SHISA7: variants seen among roughly 807,000 people sequenced by gnomAD.
SHISA7 encodes shisa family member 7.
Under a neutral mutation model 23.9 loss-of-function variants are expected in SHISA7, and 6 were observed. That is an observed-to-expected ratio of 0.25 (90% CI 0.14 to 0.50). The LOEUF (loss-of-function observed/expected upper bound fraction) is 0.50. SHISA7 is among the 20% of genes least tolerant of loss of function. The pLI is 0.98. For synonymous variants in SHISA7, 386 were observed against 398.3 expected (o/e 0.97, Z 0.37); for missense variants, 671 against 801.1 (o/e 0.84, Z 1.96).
chr19:55,435,505 G>C (rs948824009), intron 3 of SHISA7, among the ~76,000 whole-genome samples: 1 of 144,640 alleles, frequency 6.9e-6, no homozygotes, highest in Non-Finnish European at 1.5e-5. Flanking sequence ...TGTAATCCCA[G>C]CACTTTGGGT....
At chr19:55,442,165 C>T (rs971322262) in intron 1 of SHISA7, 28 bp downstream of exon 1, 10 of 1,520,740 alleles carry the variant, frequency 6.6e-6, no homozygotes, top group African/African-American at 4.2e-5. Flanking sequence ...CCCAGGCTCG[C>T]AGTCCTCCCG....
Position 55,442,514 on chromosome 19 carries a change from T to A in SHISA7, c.350A>T (p.Glu117Val). Reference sequence around the variant, plus strand: ...CTGCGCCAGGCGCATGTGACGGTGCTCACAGCAGAAGCGGTAGTGGCAGGT... The same window carrying A: ...CTGCGCCAGGCGCATGTGACGGTGCACACAGCAGAAGCGGTAGTGGCAGGT... Reference protein sequence around the residue: ...CGTCHYRFCCEHRHMRLAQAS... With the variant: ...CGTCHYRFCCVHRHMRLAQAS... The change falls in exon 1 of 4, where the codon GAG (glutamate) becomes GTG (valine). Residue 117 changes from glutamate (E) to valine (V), a missense_variant. Glu to Val is a moderately radical substitution (Grantham distance 121). Around this residue, in one of 5 missense-constraint regions of SHISA7, gnomAD observed 48 missense variants for 111.0 expected, o/e 0.43. Coordinates refer to ENST00000376325, the MANE Select transcript of SHISA7 (RefSeq NM_001145176.2). 1 of 1,478,564 alleles carries A rather than the reference T, an allele frequency of 6.8e-7. No homozygotes were observed. Among genetic ancestry groups the A allele is most frequent in the Non-Finnish European group, 9.0e-7 (1 of 1,111,036 alleles). 91.6% of individuals were successfully genotyped at this position (1,478,564 alleles called of 1,614,324 possible). A position where few individuals can be genotyped will look rare whatever the true frequency, so the allele number is the denominator to read the frequency against.
chr19:55,433,319 G>A lies in SHISA7; in HGVS notation c.1454C>T (p.Ser485Leu), dbSNP rs1160276788. The A allele has an allele frequency of 1.4e-6, 2 of 1,479,560 alleles. No individual in the cohort carries two copies. Among genetic ancestry groups the A allele is most frequent in the South Asian group, 1.3e-5 (1 of 75,438 alleles). The allele number at this position is 1,479,560 out of a possible 1,614,324, so 91.7% of individuals were successfully genotyped here. The change falls in exon 4 of 4, where the codon TCG becomes TTG. Residue 485 changes from serine to leucine, a missense_variant. This residue lies in a region of SHISA7 where 457 missense variants were observed against 488.3 expected (regional missense o/e 0.94). Transcript: ENST00000376325. The surrounding 1 kb of genome is among the most constrained non-coding windows in gnomAD (Gnocchi z 8.4). ...GTCGGACATCCAGGCCGGCTGCGGC[G>A]AGCCGTGCAGGGCGTGGTGGTGGTG... ...HAHHHHALHG[S>L]PQPAWMSDAG...
rs1176368471 is a variant in SHISA7 at position 55,435,953 on chromosome 19, CATGTGT to C, written c.976+1646_976+1651del. Among the ~76,000 whole-genome samples the C allele has an allele frequency of 5.3e-3, 789 of 148,054 alleles. 9 individuals are homozygous for C. The highest frequency in any genetic ancestry group is 0.019 in the African/African-American group (731 of 38,314). The stretch of plus-strand genomic sequence containing the variant: ...GATTTCCTGTAATTAAAAATATACA[CATGTGT>C]GTGTGTGTGTGTGTCTCACGGGTCA... On this transcript the variant is annotated intron_variant, in intron 3 of 3. Transcript: ENST00000376325.
intron 3 of SHISA7, among the ~76,000 whole-genome samples, chr19:55,434,345 TGTGGTGTATATGTG>T (rs1235256457): frequency 8.5e-6 from 1 of 117,492 alleles, no homozygotes; most frequent in East Asian, 2.8e-4. Context: ...TGTGTGCGTG[TGTGGTGTATATGTG>T]GTGTGTGTGT....
At chr19:55,434,636 G>C (rs1004969841) in intron 3 of SHISA7, among the ~76,000 whole-genome samples, 1 of 107,364 alleles carries the variant, frequency 9.3e-6, no homozygotes, top group Non-Finnish European at 1.9e-5. Flanking sequence ...TGTGGTGTGT[G>C]TGGTTGTGTG....
At chr19:55,434,755 G>GGT (rs552132687) in intron 3 of SHISA7, among the ~76,000 whole-genome samples, 1 of 123,696 alleles carries the variant, frequency 8.1e-6, no homozygotes. Context: ...TGGTGTGTGT[G>GGT]GTGTGTGTGG....
intron 1 of SHISA7, 139 bp from the exon 2 acceptor site, chr19:55,440,904 TTTC>T (rs1224323542): frequency 1.2e-6 from 1 of 802,788 alleles, no homozygotes; most frequent in African/African-American, 1.8e-5. Flanking sequence ...GCCACGCCCC[TTTC>T]TCGTTGGCCA....
Position 55,433,748 on chromosome 19 carries a change from A to G in SHISA7, c.1025T>C (p.Leu342Ser). 6.9e-7 allele frequency: 1 copy of G among 1,456,804 alleles called. No homozygotes were observed. Among genetic ancestry groups the G allele is most frequent in the Non-Finnish European group, 9.0e-7 (1 of 1,114,576 alleles). 90.2% of individuals were successfully genotyped at this position (1,456,804 alleles called of 1,614,324 possible). The change falls in exon 4 of 4, where the codon TTG becomes TCG. Residue 342 changes from leucine to serine, a missense_variant. Physicochemically the swap from Leu to Ser is moderately radical, Grantham distance 145. Around this residue, in one of 5 missense-constraint regions of SHISA7, gnomAD observed 457 missense variants for 488.3 expected, o/e 0.94. Coordinates refer to ENST00000376325, the MANE Select transcript of SHISA7 (RefSeq NM_001145176.2). The surrounding 1 kb of genome is among the most constrained non-coding windows in gnomAD (Gnocchi z 8.4). ...GTGCAGGGGCAGCGTGCCGCGGGGC[A>G]ATTCCAGGGGCCGGCGCTTCAGGTA... ...EAYLKRRPLE[L>S]PRGTLPLHAL...
chr19:55,442,599 T>G lies in SHISA7; in HGVS notation c.265A>C (p.Met89Leu). Residue 89 changes from methionine to leucine, a missense_variant, in exon 1 of 4, where the codon ATG (methionine) becomes CTG (leucine). By Grantham distance (15) the Met-to-Leu change is conservative. Around this residue, in one of 5 missense-constraint regions of SHISA7, gnomAD observed 48 missense variants for 111.0 expected, o/e 0.43. Transcript: ENST00000376325. ...AELCHGYYDVMGQYDATFNCS... is the reference protein window; with the variant it reads ...AELCHGYYDVLGQYDATFNCS... ...TTGAAGGTGGCGTCGTACTGGCCCA[T>G]GACATCGTAGTAGCCGTGGCAGAGC... 1 of 1,449,044 alleles carries G rather than the reference T, an allele frequency of 6.9e-7. No homozygotes were observed. 89.8% of individuals were successfully genotyped at this position (1,449,044 alleles called of 1,614,324 possible).
chr19:55,442,662 C>G lies in SHISA7; in HGVS notation c.202G>C (p.Gly68Arg), dbSNP rs779460048. 2.4e-6 allele frequency: 3 copies of G among 1,267,984 alleles called. No homozygotes were observed. Among genetic ancestry groups the G allele is most frequent in the South Asian group, 3.5e-5 (2 of 56,792 alleles). 78.5% of individuals were successfully genotyped at this position (1,267,984 alleles called of 1,614,324 possible). ...ANGTRTGPAG[G>R]AGAAARAPPP... ...GGCGCCCGGGCCGCCGCGCCCGCCC[C>G]GCCCGCGGGGCCGGTCCTGGTGCCG... is the stretch of plus-strand genomic sequence containing the variant. Residue 68 changes from glycine to arginine, a missense_variant, in exon 1 of 4, where the codon GGG (glycine) becomes CGG (arginine). Gly to Arg is a moderately radical substitution (Grantham distance 125, BLOSUM62 -2). Around this residue, in one of 5 missense-constraint regions of SHISA7, gnomAD observed 96 missense variants for 113.1 expected, o/e 0.85. Coordinates refer to ENST00000376325, the MANE Select transcript of SHISA7 (RefSeq NM_001145176.2).
rs565690142 is a variant in SHISA7, at chr19:55,436,745, C to CA, written c.976+859dup. 1.4e-4 allele frequency among the ~76,000 whole-genome samples: 22 copies of CA among 152,170 alleles called. No homozygotes were observed. In the South Asian group the frequency reaches 3.1e-3, roughly 22 times the overall value. On this transcript the variant is annotated intron_variant, in intron 3 of 3. Coordinates refer to ENST00000376325, the MANE Select transcript of SHISA7 (RefSeq NM_001145176.2). Reference sequence around the variant, plus strand: ...GCAACACAGTGAAACCCCGTCTCTACAAAAAATACAAAAATTAGCCAGGCA... The same window carrying CA: ...GCAACACAGTGAAACCCCGTCTCTACAAAAAAATACAAAAATTAGCCAGGCA...
At chr19:55,438,798 TGG>T (rs1270718096) in intron 2 of SHISA7, among the ~76,000 whole-genome samples, 2 of 152,036 alleles carry the variant, frequency 1.3e-5, no homozygotes, top group Non-Finnish European at 2.9e-5. Flanking sequence ...AAACTGAGGC[TGG>T]GGGTCTTGAA....
In SHISA7 at chr19:55,433,333, G is replaced by C. The variant is rs1362936060; in HGVS notation, c.1440C>G (p.His480Gln). The change falls in exon 4 of 4, where the codon CAC (histidine) becomes CAG (glutamine). Residue 480 changes from histidine to glutamine, a missense_variant. By Grantham distance (24) the His-to-Gln change is conservative. Transcript: ENST00000376325. This position sits in a 1 kb window ranked among gnomAD's most constrained non-coding sequence, Gnocchi z 8.4. ...PPSSLHAHHH[H>Q]ALHGSPQPAW... ...CCGGCTGCGGCGAGCCGTGCAGGGC[G>C]TGGTGGTGGTGGGCGTGCAGGCTGG... 7.0e-7 allele frequency: 1 copy of C among 1,425,072 alleles called. No individual in the cohort carries two copies. Among genetic ancestry groups the C allele is most frequent in the Non-Finnish European group, 9.1e-7 (1 of 1,100,136 alleles). The allele number at this position is 1,425,072 out of a possible 1,614,324, so 88.3% of individuals were successfully genotyped here.
intron 2 of SHISA7, among the ~76,000 whole-genome samples, chr19:55,438,144 C>G (rs1450946417): frequency 4.6e-5 from 7 of 150,804 alleles, no homozygotes; most frequent in Non-Finnish European, 4.4e-5. Flanking sequence ...GGCGTCCAGG[C>G]CCCCAGCCCC....
At position 55,433,088 on chromosome 19, in the gene SHISA7, T is replaced by A. The variant is rs544373186; in HGVS notation, c.*68A>T. The A allele has an allele frequency of 1.2e-3, 1,797 of 1,456,810 alleles. 2 individuals are homozygous for A. The highest frequency in any genetic ancestry group is 1.5e-3 in the Non-Finnish European group (1,697 of 1,111,062). The allele number at this position is 1,456,810 out of a possible 1,614,324, so 90.2% of individuals were successfully genotyped here. A position where few individuals can be genotyped will look rare whatever the true frequency, so the allele number is the denominator to read the frequency against. On this transcript the variant is annotated 3_prime_UTR_variant, in exon 4 of 4. Transcript: ENST00000376325. The surrounding 1 kb of genome is among the most constrained non-coding windows in gnomAD (Gnocchi z 8.4). ...CCCAGGCCCCTGGCATGTGTGCGCCTGTGTCGGGGGATCCAGGCTGGGACG... is the reference window on the plus strand; with the variant it reads ...CCCAGGCCCCTGGCATGTGTGCGCCAGTGTCGGGGGATCCAGGCTGGGACG...
chr19:55,438,209 C>T (rs920051265), intron 2 of SHISA7, among the ~76,000 whole-genome samples: 1 of 152,136 alleles, frequency 6.6e-6, no homozygotes, highest in African/African-American at 2.4e-5. Flanking sequence ...GATTGTAGCC[C>T]ATCAGTTCCA....
chr19:55,442,953 G>T lies in SHISA7; in HGVS notation c.-90C>A. 1.5e-6 allele frequency: 1 copy of T among 663,168 alleles called. No individual in the cohort carries two copies. Among genetic ancestry groups the T allele is most frequent in the Non-Finnish European group, 1.9e-6 (1 of 533,326 alleles). 41.1% of individuals were successfully genotyped at this position (663,168 alleles called of 1,614,324 possible). ...GCTGGGCGGGAGAGAAACGGTCAGAGGGTGAGAAACGTAGAGATGGGTGGG... is the reference window on the plus strand; with the variant it reads ...GCTGGGCGGGAGAGAAACGGTCAGATGGTGAGAAACGTAGAGATGGGTGGG... On this transcript the variant is annotated 5_prime_UTR_variant, in exon 1 of 4. Coordinates refer to ENST00000376325, the MANE Select transcript of SHISA7 (RefSeq NM_001145176.2).
rs1224451530 is a variant in SHISA7, at chr19:55,432,317, A to G, written c.*839T>C. On this transcript the variant is annotated 3_prime_UTR_variant, in exon 4 of 4. Coordinates refer to ENST00000376325, the MANE Select transcript of SHISA7 (RefSeq NM_001145176.2). The surrounding 1 kb of genome is among the most constrained non-coding windows in gnomAD (Gnocchi z 4.6). ...TTTGTGCCATCTCAGAGCACATAGC[A>G]TCTGGGCGACATCACAGAAGGGACC... The G allele has an allele frequency of 6.6e-6, 1 of 152,612 alleles. No individual in the cohort carries two copies. The highest frequency in any genetic ancestry group is 2.4e-5 in the African/African-American group (1 of 41,414). The allele number at this position is 152,612 out of a possible 1,614,324, so 9.5% of individuals were successfully genotyped here. A position where few individuals can be genotyped will look rare whatever the true frequency, so the allele number is the denominator to read the frequency against.
Sources: gnomAD v4.1 joint callset for allele counts (sites outside exome capture counted in the v4.1 genomes callset) on GRCh38, gnomAD v4.1.1 for gene constraint, gnomAD v4.1.1 regional missense constraint, Gnocchi (gnomAD v3.1) non-coding constraint, MANE v1.5 for transcripts, NCBI Gene and HGNC (gene_info 2026-07-23, HGNC 2026-07-21) for gene names.